The following KIAA1671 variants were observed in gnomAD, a reference collection of about 807,000 sequenced individuals.
KIAA1671 encodes the protein uncharacterized protein KIAA1671.
Under a neutral mutation model 131.2 loss-of-function variants are expected in KIAA1671, and 52 were observed. The ratio of observed to expected loss-of-function variants is 0.40; its 90% CI spans 0.32 to 0.50. The LOEUF is 0.50. KIAA1671 is among the 20% of genes least tolerant of loss of function. The pLI is 0.73. For missense variants in KIAA1671, 2,360 were observed against 2,364.2 expected (o/e 1.00, Z 0.04); for synonymous variants, 1,003 against 961.6 (o/e 1.04, Z -0.80).
At chr22:24,972,020 G>A (rs1319444232) in intron 1 of KIAA1671, among the ~76,000 whole-genome samples, 1 of 152,182 alleles carries the variant, frequency 6.6e-6, no homozygotes, top group Non-Finnish European at 1.5e-5. Flanking sequence ...TCAGGGCTTT[G>A]AAGTCCAAGA....
intron 1 of KIAA1671, among the ~76,000 whole-genome samples, chr22:24,956,402 G>C (rs5760756): frequency 0.47 from 71,200 of 152,186 alleles, 20,575 homozygotes; most frequent in African/African-American, 0.8. Context: ...ATTGTGAGGC[G>C]TTTGCCAGGC....
At chr22:25,112,492 A>G in intron 6 of KIAA1671, 1 of 398,696 alleles carries the variant, frequency 2.5e-6, no homozygotes. Context: ...AAAAATATTA[A>G]AACAACACTG....
rs116707255 is a variant in KIAA1671 at position 25,184,594 on chromosome 22, T to C, written c.5200-383T>C. Among the ~76,000 whole-genome samples the C allele has an allele frequency of 9.6e-3, 1,462 of 152,280 alleles. 20 individuals are homozygous for C. Among genetic ancestry groups the C allele is most frequent in the South Asian group, 0.032 (153 of 4,824 alleles). ...CTCTAATAGACTGTCGAAAACTTCA[T>C]TTTATTTACATGGCTCCAGGAGTAA... On this transcript the variant is annotated intron_variant, in intron 10 of 12. Coordinates refer to ENST00000358431, the MANE Select transcript of KIAA1671 (RefSeq NM_001145206.2).
intron 1 of KIAA1671, among the ~76,000 whole-genome samples, chr22:24,974,550 A>G (rs576893655): frequency 6.6e-6 from 1 of 152,206 alleles, no homozygotes; most frequent in East Asian, 1.9e-4. Flanking sequence ...AACTCCAGTC[A>G]TTCTTGTATC....
At chr22:25,012,689 A>C (rs1925102077) in intron 1 of KIAA1671, 2 of 152,226 alleles carry the variant, frequency 1.3e-5, no homozygotes, top group Admixed American at 6.5e-5. Flanking sequence ...GTAAAAATTA[A>C]ATACAATAAA....
At chr22:24,990,700 A>AG in intron 1 of KIAA1671, among the ~76,000 whole-genome samples, 1 of 152,332 alleles carries the variant, frequency 6.6e-6, no homozygotes, top group South Asian at 2.1e-4. Flanking sequence ...CCTTCCTTGA[A>AG]GGGTGGAGCA....
At chr22:24,995,053 T>G (rs972253548) in intron 1 of KIAA1671, among the ~76,000 whole-genome samples, 5 of 151,160 alleles carry the variant, frequency 3.3e-5, no homozygotes, top group African/African-American at 1.2e-4. Context: ...TAGGTTTTTT[T>G]TTTTTTTTTT....
chr22:24,957,905 C>T (rs1276740346), intron 1 of KIAA1671, among the ~76,000 whole-genome samples: 17 of 149,042 alleles, frequency 1.1e-4, no homozygotes, highest in African/African-American at 3.5e-4. Flanking sequence ...CTCGAACTCT[C>T]GACCTCATGT....
chr22:25,117,155 G>A (rs1931708114), intron 6 of KIAA1671, among the ~76,000 whole-genome samples: 1 of 152,118 alleles, frequency 6.6e-6, no homozygotes, highest in Non-Finnish European at 1.5e-5. Context: ...CCCCCATCCA[G>A]GTTTGAGAAC....
Position 25,039,983 on chromosome 22 carries a change from T to C in KIAA1671, c.2853T>C (p.Thr951=), listed in dbSNP as rs1926823966. The C allele has an allele frequency of 1.9e-6, 3 of 1,551,138 alleles. No individual in the cohort carries two copies. The East Asian group carries it at 7.3e-5, about 38-fold the overall frequency. Residue 951 remains threonine (T), a synonymous_variant, in exon 5 of 13, where the codon ACT becomes ACC. Transcript: ENST00000358431. The stretch of plus-strand genomic sequence containing the variant: ...GAATGGACAGATGGCGGCGGCGGAC[T>C]TTACCCCCCAACGTGAAATTTGATA... The part of the protein sequence containing the change: ...DQRMDRWRRR[T]LPPNVKFDTF...
rs1364010685 is a variant in KIAA1671, at chr22:25,049,533, C to T, written c.4530+169C>T. 24 of 709,122 alleles carry T rather than the reference C, an allele frequency of 3.4e-5. No homozygotes were observed. In the African/African-American group the frequency reaches 3.7e-4, roughly 11 times the overall value. The allele number at this position is 709,122 out of a possible 1,614,324, so 43.9% of individuals were successfully genotyped here. Reference sequence around the variant, plus strand: ...TCACCTGACTAGCTGTGTTGTGGTTCTTGATGTGGAGGGTGTTTGGTGGCT... The same window carrying T: ...TCACCTGACTAGCTGTGTTGTGGTTTTTGATGTGGAGGGTGTTTGGTGGCT... On this transcript the variant is annotated intron_variant, in intron 6 of 12. Transcript: ENST00000358431.
chr22:25,191,534 A>G (rs1462476018), intron 12 of KIAA1671, among the ~76,000 whole-genome samples: 1 of 152,232 alleles, frequency 6.6e-6, no homozygotes, highest in Non-Finnish European at 1.5e-5. Context: ...AAAAATATAC[A>G]TTAAAAATTA....
At chr22:25,152,715 G>T (rs1933090376) in intron 6 of KIAA1671, among the ~76,000 whole-genome samples, 1 of 152,106 alleles carries the variant, frequency 6.6e-6, no homozygotes, top group African/African-American at 2.4e-5. Context: ...CGATTCTCCT[G>T]CCTCAGCCTC....
At chr22:25,125,901 A>G (rs145745140) in intron 6 of KIAA1671, among the ~76,000 whole-genome samples, 5 of 152,332 alleles carry the variant, frequency 3.3e-5, no homozygotes, top group African/African-American at 1.2e-4. Flanking sequence ...CCTTTTAGGT[A>G]ATAGAACCTT....
chr22:25,142,237 G>GT (rs1361900982), intron 6 of KIAA1671, among the ~76,000 whole-genome samples: 1 of 152,136 alleles, frequency 6.6e-6, no homozygotes, highest in African/African-American at 2.4e-5. Flanking sequence ...ATCCATCCTG[G>GT]TTGATACTCT....
chr22:25,161,273 C>T (rs1428429344), intron 6 of KIAA1671, among the ~76,000 whole-genome samples: 6 of 152,220 alleles, frequency 3.9e-5, no homozygotes, highest in African/African-American at 1.4e-4. Flanking sequence ...ACACATTCAA[C>T]GAGTCATACA....
At chr22:25,045,188 A>G (rs1304043092) in intron 5 of KIAA1671, among the ~76,000 whole-genome samples, 7 of 152,148 alleles carry the variant, frequency 4.6e-5, no homozygotes, top group African/African-American at 1.7e-4. Flanking sequence ...TTGAAATACT[A>G]TAGAAAAATG....
Position 25,121,351 on chromosome 22 carries a change from G to A in KIAA1671, c.4531-49469G>A, listed in dbSNP as rs7292769. Reference sequence around the variant, plus strand: ...GTGGTGGGCGCCTGTAGTCCCAGCTGCTCGGGAGGCTGAGGCAGGAGAAGG... The same window carrying A: ...GTGGTGGGCGCCTGTAGTCCCAGCTACTCGGGAGGCTGAGGCAGGAGAAGG... On this transcript the variant is annotated intron_variant, in intron 6 of 12. Coordinates refer to ENST00000358431, the MANE Select transcript of KIAA1671 (RefSeq NM_001145206.2). Among the ~76,000 whole-genome samples, 489 of 151,902 alleles carry A rather than the reference G, an allele frequency of 3.2e-3. 7 individuals carry two copies. Among genetic ancestry groups the A allele is most frequent in the African/African-American group, 0.011 (465 of 41,426 alleles).
At chr22:25,031,193 ATTTTTTTTTT>A (rs58221822) in intron 3 of KIAA1671, among the ~76,000 whole-genome samples, 6 of 113,346 alleles carry the variant, frequency 5.3e-5, no homozygotes, top group South Asian at 6.2e-4. Context: ...CACCCAGCTA[ATTTTTTTTTT>A]TTTTTTTTTT....
Sources: gnomAD v4.1 joint callset for allele counts (sites outside exome capture counted in the v4.1 genomes callset) on GRCh38, gnomAD v4.1.1 for gene constraint, MANE v1.5 for transcripts, NCBI Gene and HGNC (gene_info 2026-07-23, HGNC 2026-07-21) for gene names.